SPSB1: variants seen among roughly 807,000 people sequenced by gnomAD.
SPSB1 encodes the protein SPRY domain-containing SOCS box protein 1.
Under a neutral mutation model 21.2 loss-of-function variants are expected in SPSB1, and 8 were observed. The observed-to-expected ratio is 0.38, with a 90% CI of 0.22 to 0.68. The LOEUF (loss-of-function observed/expected upper bound fraction) is 0.68, where lower values mean the gene tolerates loss of function less well. Ranked by LOEUF, SPSB1 falls within the 30% of genes least tolerant of loss-of-function variation. SPSB1 has a pLI of 0.53. For synonymous variants in SPSB1, 169 were observed against 161.7 expected (o/e 1.05, Z -0.34); for missense variants, 242 against 377.8 (o/e 0.64, Z 2.98).
At chr1:9,297,280 C>T (rs1198830499) in intron 1 of SPSB1, among the ~76,000 whole-genome samples, 1 of 152,160 alleles carries the variant, frequency 6.6e-6, no homozygotes, top group Non-Finnish European at 1.5e-5. Context: ...GTGATTTGAG[C>T]ACAAGATGAA....
In SPSB1 at chr1:9,304,123, C is replaced by T. The variant is rs1411626856; in HGVS notation, c.-150+11052C>T. ...AGAAGGGCGAATCCTGGCTCTCTGT[C>T]CCGGAGCTGGGACATCCTCCTTCTC... is the stretch of plus-strand genomic sequence containing the variant. On this transcript the variant is annotated intron_variant, in intron 1 of 2. Coordinates refer to ENST00000328089, the MANE Select transcript of SPSB1 (RefSeq NM_025106.4). 2.6e-5 allele frequency among the ~76,000 whole-genome samples: 4 copies of T among 152,318 alleles called. No individual in the cohort carries two copies. In the South Asian group the frequency reaches 6.2e-4, roughly 24 times the overall value.
At chr1:9,333,029 G>A (rs1199443266) in intron 1 of SPSB1, among the ~76,000 whole-genome samples, 1 of 152,246 alleles carries the variant, frequency 6.6e-6, no homozygotes, top group Non-Finnish European at 1.5e-5. Flanking sequence ...TGCTCACTGA[G>A]CTTCTGCCCT....
At chr1:9,339,889 G>A (rs2100500211) in intron 1 of SPSB1, among the ~76,000 whole-genome samples, 1 of 152,292 alleles carries the variant, frequency 6.6e-6, no homozygotes, top group Admixed American at 6.5e-5. Context: ...GGCTGGTTCA[G>A]GTCAGTTGTA....
At chr1:9,314,122 G>A (rs1278597800) in intron 1 of SPSB1, among the ~76,000 whole-genome samples, 1 of 151,064 alleles carries the variant, frequency 6.6e-6, no homozygotes, top group Non-Finnish European at 1.5e-5. Flanking sequence ...GTTGCAGTGA[G>A]CTGAGATCGC....
chr1:9,335,213 G>T (rs765252246), intron 1 of SPSB1, among the ~76,000 whole-genome samples: 1 of 152,158 alleles, frequency 6.6e-6, no homozygotes, highest in Non-Finnish European at 1.5e-5. Flanking sequence ...TCAAAAGAAT[G>T]TTGTGGGGTT....
intron 1 of SPSB1, among the ~76,000 whole-genome samples, chr1:9,311,083 G>A (rs537968268): frequency 4.0e-5 from 6 of 151,560 alleles, no homozygotes; most frequent in African/African-American, 1.5e-4. Context: ...CCCGCCTCTA[G>A]CCTCCCAGGC....
At position 9,359,107 on chromosome 1, in the gene SPSB1, C is replaced by T. The variant is rs113282889; in HGVS notation, c.694+2522C>T. The stretch of plus-strand genomic sequence containing the variant: ...AGATGGCCACTCAGAGCATCACAGC[C>T]GGGCGCTATTAGTCAGTGACGAGGA... On this transcript the variant is annotated intron_variant, in intron 2 of 2. Transcript: ENST00000328089. Among the ~76,000 whole-genome samples the T allele has an allele frequency of 2.5e-3, 381 of 152,302 alleles. 1 individual carries two copies. The highest frequency in any genetic ancestry group is 8.2e-3 in the African/African-American group (340 of 41,572).
intron 1 of SPSB1, among the ~76,000 whole-genome samples, chr1:9,342,928 C>G (rs1450841454): frequency 6.6e-6 from 1 of 152,198 alleles, no homozygotes; most frequent in Non-Finnish European, 1.5e-5. Context: ...GCTAATAAGC[C>G]CAGTTGAAAC....
intron 2 of SPSB1, among the ~76,000 whole-genome samples, chr1:9,361,856 A>G (rs1474313182): frequency 6.6e-6 from 1 of 152,112 alleles, no homozygotes; most frequent in Non-Finnish European, 1.5e-5. Context: ...GAGATGTGGA[A>G]AGGCCTGTTT....
chr1:9,350,406 G>C (rs1316858700), intron 1 of SPSB1, among the ~76,000 whole-genome samples: 3 of 152,242 alleles, frequency 2.0e-5, no homozygotes, highest in Non-Finnish European at 4.4e-5. Flanking sequence ...CGGTCCTGGG[G>C]ACGTGGTGAC....
intron 1 of SPSB1, among the ~76,000 whole-genome samples, chr1:9,311,150 A>G (rs628739): frequency 0.73 from 108,750 of 148,936 alleles, 40,770 homozygotes; most frequent in African/African-American, 0.88. Context: ...TAGACAGCGC[A>G]GGATAAAGGG....
rs72642711 is a variant in SPSB1, at chr1:9,297,968, C to A, written c.-150+4897C>A. 2.6e-4 allele frequency among the ~76,000 whole-genome samples: 39 copies of A among 152,322 alleles called. No homozygotes were observed. In the Middle Eastern group the frequency reaches 0.01, roughly 40 times the overall value. On this transcript the variant is annotated intron_variant, in intron 1 of 2. Transcript: ENST00000328089. ...GTGATCCAGCCCTTACAGTGGGAGC[C>A]GCAGTCACTCAAATGGAAAACTTAA...
intron 1 of SPSB1, among the ~76,000 whole-genome samples, chr1:9,334,912 G>C (rs772867459): frequency 2.0e-5 from 3 of 152,172 alleles, no homozygotes; most frequent in African/African-American, 7.2e-5. Flanking sequence ...TTCATCGTGG[G>C]GATGGGCCCC....
intron 1 of SPSB1, among the ~76,000 whole-genome samples, chr1:9,336,741 T>C (rs1323076030): frequency 1.3e-5 from 2 of 152,352 alleles, no homozygotes; most frequent in East Asian, 3.9e-4. Context: ...GCATAGTTGC[T>C]GTGTTCAGGG....
Position 9,293,277 on chromosome 1 carries a change from C to A in SPSB1, c.-150+206C>A, listed in dbSNP as rs1303018537. Among the ~76,000 whole-genome samples the A allele has an allele frequency of 6.7e-6, 1 of 148,444 alleles. No individual in the cohort carries two copies. The highest frequency in any genetic ancestry group is 2.5e-5 in the African/African-American group (1 of 40,660). The stretch of plus-strand genomic sequence containing the variant: ...TCCCGCGGTGGCTCCGGGGGCGCCT[C>A]CCTCGCCGCGGCTCCTGGGAGAGGG... On this transcript the variant is annotated intron_variant, in intron 1 of 2. Transcript: ENST00000328089. This position sits in a 1 kb window ranked among gnomAD's most constrained non-coding sequence, Gnocchi z 5.1.
intron 1 of SPSB1, among the ~76,000 whole-genome samples, chr1:9,330,999 T>G (rs1639908812): frequency 6.6e-6 from 1 of 151,902 alleles, no homozygotes; most frequent in South Asian, 2.1e-4. Context: ...ATACCCAGAG[T>G]AGTTCCATAC....
In SPSB1 at chr1:9,321,352, C is replaced by T. The variant is rs557866965; in HGVS notation, c.-150+28281C>T. 5.3e-5 allele frequency among the ~76,000 whole-genome samples: 8 copies of T among 152,198 alleles called. No individual in the cohort carries two copies. The East Asian group carries it at 1.2e-3, about 22-fold the overall frequency. ...GTGTGTGGTGGAGCTCTAGACAGCCCGATGGCAGGGGGTGGGCTCCGAGCT... is the reference window on the plus strand; with the variant it reads ...GTGTGTGGTGGAGCTCTAGACAGCCTGATGGCAGGGGGTGGGCTCCGAGCT... On this transcript the variant is annotated intron_variant, in intron 1 of 2. Transcript: ENST00000328089. The surrounding 1 kb of genome is among the most constrained non-coding windows in gnomAD (Gnocchi z 4.8).
rs544242014 is a variant in SPSB1 at position 9,348,926 on chromosome 1, C to G, written c.-149-6817C>G. Reference sequence around the variant, plus strand: ...AGGATGTAAGGGACATCCCCTTTCACTCGTGCAAGAATGTGTGTGTGTGTG... The same window carrying G: ...AGGATGTAAGGGACATCCCCTTTCAGTCGTGCAAGAATGTGTGTGTGTGTG... On this transcript the variant is annotated intron_variant, in intron 1 of 2. Transcript: ENST00000328089. This position sits in a 1 kb window ranked among gnomAD's most constrained non-coding sequence, Gnocchi z 4.8. Among the ~76,000 whole-genome samples, 2 of 137,914 alleles carry G rather than the reference C, an allele frequency of 1.5e-5. No individual in the cohort carries two copies. The highest frequency in any genetic ancestry group is 4.2e-4 in the East Asian group (2 of 4,722). The allele number at this position is 137,914 out of a possible 152,430, so 90.5% of individuals were successfully genotyped here. A position where few individuals can be genotyped will look rare whatever the true frequency, so the allele number is the denominator to read the frequency against.
rs990675096 is a variant in SPSB1, at chr1:9,363,291, T to C, written c.695-4157T>C. On this transcript the variant is annotated intron_variant, in intron 2 of 2. Coordinates refer to ENST00000328089, the MANE Select transcript of SPSB1 (RefSeq NM_025106.4). The surrounding 1 kb of genome is among the most constrained non-coding windows in gnomAD (Gnocchi z 4.5). ...GAGACCCATTCACAGGATGCCTGGG[T>C]GACTCTGGTCCTATTTTCAGCTCAT... is the stretch of plus-strand genomic sequence containing the variant. Among the ~76,000 whole-genome samples, 2 of 152,160 alleles carry C rather than the reference T, an allele frequency of 1.3e-5. No homozygotes were observed. Among genetic ancestry groups the C allele is most frequent in the African/African-American group, 4.8e-5 (2 of 41,434 alleles).
Sources: gnomAD v4.1 joint callset for allele counts (sites outside exome capture counted in the v4.1 genomes callset) on GRCh38, gnomAD v4.1.1 for gene constraint, Gnocchi (gnomAD v3.1) non-coding constraint, MANE v1.5 for transcripts, NCBI Gene and HGNC (gene_info 2026-07-23, HGNC 2026-07-21) for gene names.